RANBP17: variants seen among roughly 807,000 people sequenced by gnomAD.
RANBP17 encodes the protein ran-binding protein 17.
In RANBP17, 158 loss-of-function variants were observed where a neutral mutation model predicts 141.2. That is an observed-to-expected ratio of 1.12 (90% CI 0.98 to 1.28). The LOEUF (loss-of-function observed/expected upper bound fraction) is 1.28. Ranked by LOEUF, RANBP17 falls within the 50% of genes most tolerant of loss-of-function variation. The pLI, the probability that RANBP17 is intolerant of heterozygous loss-of-function variation, is 0.00. For synonymous variants in RANBP17, 430 were observed against 450.0 expected (o/e 0.96, Z 0.56); for missense variants, 1,438 against 1,290.7 (o/e 1.11, Z -1.75).
chr5:171,141,409 G>A (rs1161762469), intron 14 of RANBP17, among the ~76,000 whole-genome samples: 59 of 149,336 alleles, frequency 4.0e-4, no homozygotes, highest in East Asian at 7.9e-4. Flanking sequence ...ATCCTGGCTA[G>A]CATGGTGAAA....
intron 14 of RANBP17, among the ~76,000 whole-genome samples, chr5:171,141,450 AC>A (rs1757688373): frequency 1.3e-5 from 2 of 149,128 alleles, no homozygotes; most frequent in Non-Finnish European, 3.0e-5. Context: ...AAAAAAAAAT[AC>A]AAAAAATTAG....
chr5:170,915,826 C>A (rs1164789582), intron 8 of RANBP17, among the ~76,000 whole-genome samples: 1 of 151,834 alleles, frequency 6.6e-6, no homozygotes, highest in Non-Finnish European at 1.5e-5. Context: ...ACCATATTTT[C>A]TTTTTGGTAG....
intron 14 of RANBP17, among the ~76,000 whole-genome samples, chr5:171,078,425 G>A (rs781379606): frequency 1.3e-5 from 2 of 152,058 alleles, no homozygotes; most frequent in Non-Finnish European, 2.9e-5. Flanking sequence ...CAAAGTGCTG[G>A]GATTACGGGC....
rs748335843 is a variant in RANBP17, at chr5:171,205,524, C to G, written c.2143C>G (p.Arg715Gly). 1.1e-5 allele frequency: 17 copies of G among 1,612,954 alleles called. No homozygotes were observed. Among genetic ancestry groups the G allele is most frequent in the Non-Finnish European group, 1.4e-5 (16 of 1,179,152 alleles). Residue 715 changes from arginine (R) to glycine (G), a missense_variant and splice_region_variant, in exon 20 of 28, where the codon CGT becomes GGT. Coordinates refer to ENST00000523189, the MANE Select transcript of RANBP17 (RefSeq NM_022897.5). ...NNNFKQEDVK[R>G]MLIGLARDLR... ...TACTGTGTCTCTTTCCCACTGACAG[C>G]GTATGTTGATCGGGCTGGCAAGAGA...
intron 14 of RANBP17, among the ~76,000 whole-genome samples, chr5:171,003,503 G>A (rs375392810): frequency 2.8e-4 from 43 of 152,322 alleles, no homozygotes; most frequent in African/African-American, 7.9e-4. Flanking sequence ...GGGAGAGCAC[G>A]TGTGTTTTTA....
chr5:170,914,621 C>A (rs1397050738), intron 8 of RANBP17, among the ~76,000 whole-genome samples: 1 of 152,166 alleles, frequency 6.6e-6, no homozygotes, highest in Non-Finnish European at 1.5e-5. Context: ...CCTTGCCTGG[C>A]TCCATGTCTT....
intron 12 of RANBP17, among the ~76,000 whole-genome samples, chr5:170,953,098 T>C (rs1775331840): frequency 6.6e-6 from 1 of 152,072 alleles, no homozygotes; most frequent in Non-Finnish European, 1.5e-5. Flanking sequence ...TTTATTACTA[T>C]CTATTATGTT....
rs114689426 is a variant in RANBP17 at position 171,190,488 on chromosome 5, G to A, written c.2038+7058G>A. On this transcript the variant is annotated intron_variant, in intron 18 of 27. Transcript: ENST00000523189. ...ATGTTGGCAGGTTTTTTTGGTGTTC[G>A]AAGAAATGATCAAAATGAATGCAGA... Among the ~76,000 whole-genome samples, 201 of 152,164 alleles carry A rather than the reference G, an allele frequency of 1.3e-3. 2 individuals are homozygous for A. Among genetic ancestry groups the A allele is most frequent in the African/African-American group, 3.9e-3 (161 of 41,516 alleles).
chr5:171,133,721 T>A (rs2127794103), intron 14 of RANBP17, among the ~76,000 whole-genome samples: 1 of 152,356 alleles, frequency 6.6e-6, no homozygotes, highest in African/African-American at 2.4e-5. Context: ...TTAGTTACTG[T>A]ATTTCTTTGT....
At chr5:170,888,478 G>A (rs775036655) in intron 3 of RANBP17, among the ~76,000 whole-genome samples, 1 of 152,034 alleles carries the variant, frequency 6.6e-6, no homozygotes, top group Admixed American at 6.6e-5. Flanking sequence ...ATTTTTGAGG[G>A]TACTAATGTA....
chr5:171,238,608 A>T (rs1296808936), intron 22 of RANBP17, among the ~76,000 whole-genome samples: 1 of 152,236 alleles, frequency 6.6e-6, no homozygotes. Flanking sequence ...AGCTCTTTTC[A>T]TCACATGGGT....
Position 171,213,697 on chromosome 5 carries a change from A to G in RANBP17, c.2298A>G (p.Thr766=), listed in dbSNP as rs1275626785. 6.2e-7 allele frequency: 1 copy of G among 1,613,676 alleles called. No homozygotes were observed. ...GGTGGTATGGAGAGCCAACATGTACAACTCCCATCTTGAAACTTATGGCAG... is the reference window on the plus strand; with the variant it reads ...GGTGGTATGGAGAGCCAACATGTACGACTCCCATCTTGAAACTTATGGCAG... The part of the protein sequence containing the change: ...VERWYGEPTC[T]TPILKLMAEL... The change falls in exon 21 of 28, where the codon ACA becomes ACG. Residue 766 remains threonine (T), a synonymous_variant. Transcript: ENST00000523189.
chr5:171,065,726 T>C (rs1437746287), intron 14 of RANBP17, among the ~76,000 whole-genome samples: 1 of 152,232 alleles, frequency 6.6e-6, no homozygotes, highest in Non-Finnish European at 1.5e-5. Context: ...TGATAGCTTA[T>C]TCTTGTGCCA....
chr5:171,249,040 C>T (rs1765395198), intron 24 of RANBP17, among the ~76,000 whole-genome samples: 1 of 152,210 alleles, frequency 6.6e-6, no homozygotes, highest in Admixed American at 6.5e-5. Flanking sequence ...ACGTTCATCC[C>T]ACCATTGCCA....
At chr5:170,967,461 A>G (rs376963214) in intron 13 of RANBP17, among the ~76,000 whole-genome samples, 1 of 152,112 alleles carries the variant, frequency 6.6e-6, no homozygotes, top group East Asian at 1.9e-4. Flanking sequence ...AGCACAAGGT[A>G]CTTGGCGGTC....
intron 9 of RANBP17, chr5:170,918,386 T>C: frequency 6.8e-6 from 1 of 147,036 alleles, no homozygotes; most frequent in South Asian, 2.5e-4. Context: ...CTTTGTTGAC[T>C]TCTGTTTAAA....
intron 14 of RANBP17, among the ~76,000 whole-genome samples, chr5:171,029,383 G>A (rs940613795): frequency 5.9e-5 from 9 of 152,034 alleles, no homozygotes; most frequent in African/African-American, 2.2e-4. Context: ...CTTAAAATCA[G>A]CCTAGAATAT....
At chr5:171,120,964 A>G (rs1194181635) in intron 14 of RANBP17, among the ~76,000 whole-genome samples, 1 of 152,166 alleles carries the variant, frequency 6.6e-6, no homozygotes, top group Non-Finnish European at 1.5e-5. Flanking sequence ...TTTTATGTGG[A>G]TGCAGCAGTG....
chr5:170,992,314 A>G (rs1281563457), intron 14 of RANBP17, among the ~76,000 whole-genome samples: 2 of 152,030 alleles, frequency 1.3e-5, no homozygotes, highest in Non-Finnish European at 2.9e-5. Context: ...GTAAAATAAA[A>G]TAATAATATT....
Sources: allele counts gnomAD v4.1 joint callset (sites outside exome capture counted in the v4.1 genomes callset), GRCh38; gene constraint gnomAD v4.1.1; transcripts MANE v1.5; gene names NCBI Gene and HGNC (gene_info 2026-07-23, HGNC 2026-07-21).